The following CLASP2 variants were observed in gnomAD, a reference collection of about 807,000 sequenced individuals.
CLASP2 encodes CLIP-associating protein 2.
A neutral mutation model predicts 194.4 loss-of-function variants in CLASP2; 47 were observed. The ratio of observed to expected loss-of-function variants is 0.24; its 90% CI spans 0.19 to 0.31. The LOEUF (loss-of-function observed/expected upper bound fraction) is 0.31. Ranked by LOEUF, CLASP2 falls within the 10% of genes least tolerant of loss-of-function variation. The probability of loss-of-function intolerance (pLI) is 1.00; values close to 1 mark genes in which losing one functional copy is unlikely to be tolerated. For synonymous variants in CLASP2, 619 were observed against 633.5 expected, an observed-to-expected ratio of 0.98 and a Z score of 0.34; for missense variants, 1,445 against 1,823.6, an observed-to-expected ratio of 0.79 and a Z score of 3.78.
chr3:33,717,833 C>G lies in CLASP2; in HGVS notation c.170G>C (p.Gly57Ala). 2 of 1,562,956 alleles carry G rather than the reference C, an allele frequency of 1.3e-6. No individual in the cohort carries two copies. The highest frequency in any genetic ancestry group is 2.4e-5 in the South Asian group (2 of 84,884). ...CCGGTAGTTGCTCGAACCCACCCAG[C>G]CGGTGAGCGCGTCGACTGTCTTGCC... ...RLGKTVDALTGWVGSSNYRVS... is the reference protein window; with the variant it reads ...RLGKTVDALTAWVGSSNYRVS... The change falls in exon 1 of 39, where the codon GGC (glycine) becomes GCC (alanine). Residue 57 changes from glycine (G) to alanine (A), a missense_variant. Physicochemically the swap from Gly to Ala is moderately conservative, Grantham distance 60 (BLOSUM62 0). Around this residue, in one of 4 missense-constraint regions of CLASP2, gnomAD observed 332 missense variants for 325.3 expected, o/e 1.02. Coordinates refer to ENST00000682230, the MANE Select transcript of CLASP2 (RefSeq NM_001365631.1).
chr3:33,690,512 TATC>T (rs1324215092), intron 2 of CLASP2, among the ~76,000 whole-genome samples: 1 of 152,218 alleles, frequency 6.6e-6, no homozygotes, highest in Non-Finnish European at 1.5e-5. Context: ...TCACTATCAC[TATC>T]ATCATTCTGC....
At chr3:33,501,085 T>A (rs1460247079) in intron 38 of CLASP2, among the ~76,000 whole-genome samples, 1 of 152,146 alleles carries the variant, frequency 6.6e-6, no homozygotes, top group Non-Finnish European at 1.5e-5. Context: ...GTAGTAGCAA[T>A]CAAATGAGAA....
At chr3:33,509,917 T>C (rs560298427) in intron 37 of CLASP2, among the ~76,000 whole-genome samples, 108 of 152,294 alleles carry the variant, frequency 7.1e-4, no homozygotes, top group African/African-American at 2.6e-3. Flanking sequence ...TCTAGATGTA[T>C]ATATATAAGT....
intron 30 of CLASP2, among the ~76,000 whole-genome samples, chr3:33,548,246 ATACT>A (rs1425849610): frequency 9.9e-5 from 15 of 152,130 alleles, no homozygotes; most frequent in South Asian, 2.1e-4. Flanking sequence ...TTTAAATCAA[ATACT>A]TACAGATTTT....
intron 34 of CLASP2, among the ~76,000 whole-genome samples, chr3:33,520,821 A>C (rs2052805949): frequency 2.0e-4 from 1 of 4,968 alleles, no homozygotes; most frequent in Non-Finnish European, 3.8e-4. Flanking sequence ...GTAAATCTCT[A>C]CACACACACA....
chr3:33,518,007 A>G (rs1017679834), intron 34 of CLASP2, among the ~76,000 whole-genome samples: 1 of 152,216 alleles, frequency 6.6e-6, no homozygotes, highest in African/African-American at 2.4e-5. Context: ...TTATTTTAAT[A>G]TGAGTTAAAA....
chr3:33,679,160 T>C (rs1021064103), intron 6 of CLASP2, among the ~76,000 whole-genome samples: 1 of 152,178 alleles, frequency 6.6e-6, no homozygotes, highest in Non-Finnish European at 1.5e-5. Context: ...TTCAAAAAAC[T>C]GTGCTAGGTC....
At chr3:33,669,811 T>G (rs2086825063) in intron 6 of CLASP2, among the ~76,000 whole-genome samples, 1 of 152,098 alleles carries the variant, frequency 6.6e-6, no homozygotes, top group Admixed American at 6.5e-5. Context: ...TTGCAAACAG[T>G]ACCAGTGATA....
chr3:33,596,399 C>T (rs1417570912), intron 19 of CLASP2, among the ~76,000 whole-genome samples: 1 of 151,938 alleles, frequency 6.6e-6, no homozygotes, highest in African/African-American at 2.4e-5. Context: ...CTTCTGAATC[C>T]AATATTTTTT....
At chr3:33,535,197 C>T in intron 34 of CLASP2, 36 bp downstream of exon 34, 1 of 1,457,644 alleles carries the variant, frequency 6.9e-7, no homozygotes, top group Non-Finnish European at 9.5e-7. Context: ...ACCAAGTTCT[C>T]CAAAACAGAC....
intron 23 of CLASP2, among the ~76,000 whole-genome samples, chr3:33,577,950 G>A (rs779488556): frequency 1.2e-4 from 18 of 152,108 alleles, no homozygotes; most frequent in African/African-American, 2.2e-4. Context: ...AAACCATGCC[G>A]AATAAACTTC....
intron 36 of CLASP2, among the ~76,000 whole-genome samples, chr3:33,513,775 C>T (rs1422577148): frequency 6.6e-6 from 1 of 152,064 alleles, no homozygotes; most frequent in Non-Finnish European, 1.5e-5. Flanking sequence ...TGCTTATTGC[C>T]ATTTGTATAT....
chr3:33,509,274 CCTAA>C (rs775891334), intron 37 of CLASP2, among the ~76,000 whole-genome samples: 52 of 152,130 alleles, frequency 3.4e-4, no homozygotes, highest in East Asian at 3.8e-4. Context: ...CAGCATCTTT[CCTAA>C]CTATCTTGGC....
intron 11 of CLASP2, among the ~76,000 whole-genome samples, chr3:33,620,216 G>A (rs901941683): frequency 1.3e-5 from 2 of 152,058 alleles, no homozygotes; most frequent in African/African-American, 4.8e-5. Flanking sequence ...GCCTTTTTTA[G>A]TCATAAATAC....
chr3:33,684,516 C>G, intron 5 of CLASP2, 60 bp from the exon 6 acceptor site: 1 of 1,156,598 alleles, frequency 8.6e-7, no homozygotes, highest in Non-Finnish European at 1.2e-6. Context: ...AATACTTCAT[C>G]TCAAGGTAAC....
At chr3:33,641,188 T>C (rs2081208215) in intron 8 of CLASP2, among the ~76,000 whole-genome samples, 1 of 151,948 alleles carries the variant, frequency 6.6e-6, no homozygotes, top group Admixed American at 6.6e-5. Context: ...AAAGAATATA[T>C]ATAAGAACAT....
intron 8 of CLASP2, among the ~76,000 whole-genome samples, chr3:33,636,688 C>G (rs2080207116): frequency 6.6e-6 from 1 of 152,184 alleles, no homozygotes; most frequent in South Asian, 2.1e-4. Flanking sequence ...GCAACCTCCA[C>G]CTCCTGGGTT....
At chr3:33,670,390 C>A (rs951082542) in intron 6 of CLASP2, among the ~76,000 whole-genome samples, 1 of 152,080 alleles carries the variant, frequency 6.6e-6, no homozygotes, top group South Asian at 2.1e-4. Context: ...ACTAATGATT[C>A]GTGCACTTTT....
chr3:33,653,573 C>CAAT (rs1553641471), intron 7 of CLASP2, among the ~76,000 whole-genome samples: 1 of 151,604 alleles, frequency 6.6e-6, no homozygotes, highest in African/African-American at 2.4e-5. Flanking sequence ...AATGTGAACA[C>CAAT]ATTTGACACT....
Sources: allele counts gnomAD v4.1 joint callset (sites outside exome capture counted in the v4.1 genomes callset), GRCh38; gene constraint gnomAD v4.1.1; regional missense constraint gnomAD v4.1.1; transcripts MANE v1.5; gene names NCBI Gene and HGNC (gene_info 2026-07-23, HGNC 2026-07-21).